IL1RAPL1: variants seen among roughly 807,000 people sequenced by gnomAD.
The protein encoded by IL1RAPL1 is interleukin-1 receptor accessory protein-like 1.
In IL1RAPL1, 3 loss-of-function variants were observed where a neutral mutation model predicts 48.4. The ratio of observed to expected loss-of-function variants is 0.06; its 90% CI spans 0.03 to 0.16. IL1RAPL1 has a LOEUF of 0.16. Ranked by LOEUF, IL1RAPL1 falls within the 10% of genes least tolerant of loss-of-function variation. IL1RAPL1 has a pLI of 1.00. For missense variants in IL1RAPL1, 349 were observed against 530.6 expected (o/e 0.66, Z 3.36); for synonymous variants, 185 against 187.7 (o/e 0.99, Z 0.12).
intron 1 of IL1RAPL1, among the ~76,000 whole-genome samples, chrX:28,652,347 C>T (rs1161359621): frequency 1.8e-5 from 2 of 111,640 alleles, no homozygotes; most frequent in African/African-American, 3.3e-5. Context: ...TTCAGCCCAA[C>T]CTCTTTGCAA....
At chrX:29,830,748 C>T (rs901330071) in intron 6 of IL1RAPL1, among the ~76,000 whole-genome samples, 1 of 111,227 alleles carries the variant, frequency 9.0e-6, no homozygotes. Context: ...CCACCGTGCC[C>T]GGCCTCTCAG....
chrX:29,277,865 T>A (rs1205268414), intron 2 of IL1RAPL1, among the ~76,000 whole-genome samples: 1 of 112,090 alleles, frequency 8.9e-6, no homozygotes, highest in African/African-American at 3.2e-5. Flanking sequence ...ACACATAGCC[T>A]GAAGGTAATT....
chrX:28,967,686 A>G (rs1181684469), intron 2 of IL1RAPL1, among the ~76,000 whole-genome samples: 2 of 111,764 alleles, frequency 1.8e-5, no homozygotes, highest in East Asian at 5.6e-4. Context: ...CCCAACTTCT[A>G]ACTTCCTTAT....
chrX:29,598,368 A>T (rs904436390), intron 5 of IL1RAPL1, among the ~76,000 whole-genome samples: 1 of 112,059 alleles, frequency 8.9e-6, no homozygotes, highest in African/African-American at 3.2e-5. Flanking sequence ...TTCCAATTTT[A>T]TTCCACTGTA....
chrX:29,834,281 T>C (rs1930942916), intron 6 of IL1RAPL1, among the ~76,000 whole-genome samples: 1 of 111,718 alleles, frequency 9.0e-6, no homozygotes, highest in Non-Finnish European at 1.9e-5. Context: ...GTCAACTCCA[T>C]GGTCTGGTTC....
chrX:29,508,772 G>C (rs1201021590), intron 5 of IL1RAPL1, among the ~76,000 whole-genome samples: 2 of 111,642 alleles, frequency 1.8e-5, no homozygotes, highest in African/African-American at 6.5e-5. Flanking sequence ...GAGGACTAGA[G>C]ATTTTGATGC....
At chrX:29,930,744 A>G (rs775736345) in intron 8 of IL1RAPL1, among the ~76,000 whole-genome samples, 8 of 112,035 alleles carry the variant, frequency 7.1e-5, no homozygotes, top group Non-Finnish European at 1.5e-4. Context: ...CAAGTTATTT[A>G]CACATTTTTC....
At chrX:29,006,648 T>TGTGC (rs1925989895) in intron 2 of IL1RAPL1, among the ~76,000 whole-genome samples, 1 of 11,805 alleles carries the variant, frequency 8.5e-5, no homozygotes, top group South Asian at 0.01. Flanking sequence ...TTTATATATA[T>TGTGC]GTGTGTGTGT....
chrX:29,127,637 C>T (rs774173736), intron 2 of IL1RAPL1, among the ~76,000 whole-genome samples: 5 of 111,675 alleles, frequency 4.5e-5, no homozygotes, highest in South Asian at 7.6e-4. Flanking sequence ...CAGCACACCT[C>T]CACGTGGAAA....
chrX:29,649,744 A>G (rs1925454082), intron 5 of IL1RAPL1, among the ~76,000 whole-genome samples: 2 of 111,293 alleles, frequency 1.8e-5, no homozygotes. Flanking sequence ...ACATAGTACT[A>G]GAAATCCTAG....
chrX:29,476,926 TGC>T (rs1170310848), intron 5 of IL1RAPL1, among the ~76,000 whole-genome samples: 3 of 84,153 alleles, frequency 3.6e-5, no homozygotes, highest in Non-Finnish European at 6.6e-5. Flanking sequence ...CAGGCCGGAC[TGC>T]GGACTGCAGT....
chrX:28,847,004 A>G (rs148191451), intron 2 of IL1RAPL1, among the ~76,000 whole-genome samples: 13 of 111,462 alleles, frequency 1.2e-4, no homozygotes, highest in African/African-American at 4.2e-4. Context: ...AACTCCAGAC[A>G]CATGTATCAA....
At chrX:29,834,390 A>G (rs1930946455) in intron 6 of IL1RAPL1, among the ~76,000 whole-genome samples, 1 of 111,774 alleles carries the variant, frequency 8.9e-6, no homozygotes, top group Non-Finnish European at 1.9e-5. Flanking sequence ...TGACACACAC[A>G]CAAAAACTGC....
chrX:29,613,171 A>C (rs942103947), intron 5 of IL1RAPL1, among the ~76,000 whole-genome samples: 2 of 112,736 alleles, frequency 1.8e-5, no homozygotes, highest in African/African-American at 6.4e-5. Context: ...ATTAAAAATC[A>C]CGTACTAAGA....
At chrX:29,127,546 T>C (rs1928923412) in intron 2 of IL1RAPL1, among the ~76,000 whole-genome samples, 1 of 112,088 alleles carries the variant, frequency 8.9e-6, no homozygotes, top group South Asian at 3.7e-4. Flanking sequence ...GACAATCTCA[T>C]CCACACGTGT....
At chrX:29,439,989 ACGTGTGTG>A (rs1477455618) in intron 5 of IL1RAPL1, among the ~76,000 whole-genome samples, 2 of 18,238 alleles carry the variant, frequency 1.1e-4, no homozygotes, top group African/African-American at 5.3e-4. Flanking sequence ...TCAATTTGAC[ACGTGTGTG>A]TGTGTGTGTG....
At chrX:29,767,126 A>G (rs1928934062) in intron 6 of IL1RAPL1, among the ~76,000 whole-genome samples, 1 of 111,507 alleles carries the variant, frequency 9.0e-6, no homozygotes, top group South Asian at 3.7e-4. Context: ...TATATTCTTT[A>G]TGTTCTTCAA....
At chrX:29,269,552 A>T (rs912227213) in intron 2 of IL1RAPL1, among the ~76,000 whole-genome samples, 4 of 110,860 alleles carry the variant, frequency 3.6e-5, no homozygotes, top group African/African-American at 1.3e-4. Context: ...TACCTTGATT[A>T]TTTAAAGAAT....
At chrX:29,328,560 C>T (rs751710168) in intron 3 of IL1RAPL1, among the ~76,000 whole-genome samples, 138 of 109,015 alleles carry the variant, frequency 1.3e-3, no homozygotes, top group Non-Finnish European at 2.2e-3. Context: ...TGTAATATAA[C>T]AGGTAACAAC....
Sources: allele counts gnomAD v4.1 joint callset (sites outside exome capture counted in the v4.1 genomes callset), GRCh38; gene constraint gnomAD v4.1.1; transcripts MANE v1.5; gene names NCBI Gene and HGNC (gene_info 2026-07-23, HGNC 2026-07-21).